The following GRIN2B variants were observed in gnomAD, a reference collection of about 807,000 sequenced individuals.
GRIN2B encodes the protein glutamate receptor ionotropic, NMDA 2B.
GRIN2B carries 5 observed loss-of-function variants against 114.5 expected under a neutral mutation model. The observed-to-expected ratio is 0.04, with a 90% CI of 0.02 to 0.09. The LOEUF (loss-of-function observed/expected upper bound fraction) is 0.09, where lower values mean the gene tolerates loss of function less well. Ranked by LOEUF, GRIN2B falls within the 10% of genes least tolerant of loss-of-function variation. The probability of loss-of-function intolerance (pLI) is 1.00; values close to 1 mark genes in which losing one functional copy is unlikely to be tolerated. For missense variants in GRIN2B, 1,108 were observed against 1,943.5 expected, an observed-to-expected ratio of 0.57 and a Z score of 8.08; for synonymous variants, 787 against 745.1, an observed-to-expected ratio of 1.06 and a Z score of -0.92.
At chr12:13,926,307 G>A (rs183308764) in intron 2 of GRIN2B, among the ~76,000 whole-genome samples, 179 of 152,206 alleles carry the variant, frequency 1.2e-3, no homozygotes, top group African/African-American at 4.3e-3. Context: ...TCACTTCCAG[G>A]TTCACTGCTC....
chr12:13,860,729 G>A (rs1299603372), intron 3 of GRIN2B, among the ~76,000 whole-genome samples: 1 of 152,156 alleles, frequency 6.6e-6, no homozygotes, highest in East Asian at 1.9e-4. Context: ...TGTGATGCAC[G>A]TTTTAGCTAC....
chr12:13,606,736 G>A (rs1949254622), intron 10 of GRIN2B, among the ~76,000 whole-genome samples: 1 of 152,126 alleles, frequency 6.6e-6, no homozygotes, highest in Admixed American at 6.5e-5. Flanking sequence ...GGGGGGAAAA[G>A]GAGGTGTGCA....
chr12:13,766,498 T>C (rs1863791841), intron 3 of GRIN2B, among the ~76,000 whole-genome samples: 1 of 152,200 alleles, frequency 6.6e-6, no homozygotes, highest in African/African-American at 2.4e-5. Flanking sequence ...AACTGTTCCT[T>C]GTATTTGTCC....
At chr12:13,867,901 A>G (rs1200748584) in intron 2 of GRIN2B, among the ~76,000 whole-genome samples, 1 of 152,036 alleles carries the variant, frequency 6.6e-6, no homozygotes, top group East Asian at 1.9e-4. Flanking sequence ...TTTCAAAAAA[A>G]AAAAAAATGG....
intron 2 of GRIN2B, among the ~76,000 whole-genome samples, chr12:13,911,535 C>A (rs536828790): frequency 6.6e-6 from 1 of 152,288 alleles, no homozygotes; most frequent in Non-Finnish European, 1.5e-5. Flanking sequence ...TACCTGTTTA[C>A]CCCAGGCAAT....
At chr12:13,857,908 C>T (rs1323412924) in intron 3 of GRIN2B, among the ~76,000 whole-genome samples, 5 of 152,152 alleles carry the variant, frequency 3.3e-5, no homozygotes, top group African/African-American at 1.2e-4. Context: ...GGATGACTAA[C>T]GCTGGAGCAG....
rs186850533 is a variant in GRIN2B at position 13,848,120 on chromosome 12, G to C, written c.411+17678C>G. On this transcript the variant is annotated intron_variant, in intron 3 of 13. Coordinates refer to ENST00000609686, the MANE Select transcript of GRIN2B (RefSeq NM_000834.5). ...AGCCACCCCTCATGCTAGGATCAGA[G>C]AGGATCCCCACAAACGGTGGAATCT... is the stretch of plus-strand genomic sequence containing the variant. Among the ~76,000 whole-genome samples the C allele has an allele frequency of 2.5e-4, 38 of 152,300 alleles. No individual in the cohort carries two copies. In the East Asian group the frequency reaches 4.4e-3, roughly 18 times the overall value.
intron 3 of GRIN2B, among the ~76,000 whole-genome samples, chr12:13,786,761 C>G (rs1426788906): frequency 6.6e-6 from 1 of 152,048 alleles, no homozygotes. Context: ...TTTACAAACT[C>G]AAAGGGGAAG....
At chr12:13,574,690 A>G (rs73047458) in intron 10 of GRIN2B, among the ~76,000 whole-genome samples, 5,273 of 152,284 alleles carry the variant, frequency 0.035, 115 homozygotes, top group Middle Eastern at 0.11. Flanking sequence ...TTTAATTTTA[A>G]ATTATTTTTA....
chr12:13,826,469 C>CA (rs1865037064), intron 3 of GRIN2B, among the ~76,000 whole-genome samples: 2 of 151,350 alleles, frequency 1.3e-5, no homozygotes, highest in African/African-American at 2.4e-5. Flanking sequence ...AACTTCATTT[C>CA]AAAAAATAAA....
intron 5 of GRIN2B, among the ~76,000 whole-genome samples, chr12:13,630,206 AATG>A (rs1949605439): frequency 6.6e-6 from 1 of 152,358 alleles, no homozygotes; most frequent in East Asian, 1.9e-4. Context: ...AATAATAGAT[AATG>A]ATGATTCTAC....
chr12:13,620,898 A>T (rs1348451716), intron 5 of GRIN2B, among the ~76,000 whole-genome samples: 1 of 151,970 alleles, frequency 6.6e-6, no homozygotes, highest in Non-Finnish European at 1.5e-5. Context: ...AGGAAATGAA[A>T]AAAAAATAAG....
chr12:13,755,260 T>A lies in GRIN2B; in HGVS notation c.412-1345A>T, dbSNP rs1003353137. The stretch of plus-strand genomic sequence containing the variant: ...TGTGCAGCTGAGAAATTGCTGAGCA[T>A]TTCTTCAGCACCCCTTATTGAAAAA... On this transcript the variant is annotated intron_variant, in intron 3 of 13. Transcript: ENST00000609686. Among the ~76,000 whole-genome samples, 15 of 152,348 alleles carry A rather than the reference T, an allele frequency of 9.8e-5. No individual in the cohort carries two copies. In the East Asian group the frequency reaches 2.9e-3, roughly 29 times the overall value.
intron 4 of GRIN2B, among the ~76,000 whole-genome samples, chr12:13,706,314 A>G (rs1331528186): frequency 6.6e-6 from 1 of 152,204 alleles, no homozygotes; most frequent in Non-Finnish European, 1.5e-5. Flanking sequence ...AAGAAATGCC[A>G]TTCTTCAATA....
intron 2 of GRIN2B, among the ~76,000 whole-genome samples, chr12:13,943,775 C>T (rs1867309214): frequency 6.6e-6 from 1 of 152,164 alleles, no homozygotes; most frequent in Non-Finnish European, 1.5e-5. Context: ...ACAGAAATTT[C>T]CGTCACTGTC....
chr12:13,968,797 T>C (rs1867831090), intron 2 of GRIN2B, among the ~76,000 whole-genome samples: 1 of 152,340 alleles, frequency 6.6e-6, no homozygotes, highest in South Asian at 2.1e-4. Context: ...TGATGACCCC[T>C]GTTAATAGTA....
intron 3 of GRIN2B, among the ~76,000 whole-genome samples, chr12:13,813,032 C>T (rs1436435601): frequency 1.3e-5 from 2 of 150,990 alleles, no homozygotes; most frequent in African/African-American, 2.4e-5. Context: ...CTCCGCCTCC[C>T]GGGTTCAAGC....
At chr12:13,946,574 A>C (rs529472396) in intron 2 of GRIN2B, among the ~76,000 whole-genome samples, 232 of 152,152 alleles carry the variant, frequency 1.5e-3, no homozygotes, top group African/African-American at 5.1e-3. Flanking sequence ...TAAAAGTTTC[A>C]GTTTATAATT....
At chr12:13,722,263 G>T (rs1023431438) in intron 4 of GRIN2B, among the ~76,000 whole-genome samples, 1 of 152,070 alleles carries the variant, frequency 6.6e-6, no homozygotes, top group Non-Finnish European at 1.5e-5. Context: ...GATTTCAGGG[G>T]TTTTTTAATA....
Sources: gnomAD v4.1 joint callset for allele counts (sites outside exome capture counted in the v4.1 genomes callset) on GRCh38, gnomAD v4.1.1 for gene constraint, MANE v1.5 for transcripts, NCBI Gene and HGNC (gene_info 2026-07-23, HGNC 2026-07-21) for gene names.